Variants in XKR6 observed in about 807,000 individuals in gnomAD.
The protein encoded by XKR6 is XK related 6.
A neutral mutation model predicts 56.7 loss-of-function variants in XKR6; 22 were observed. That is an observed-to-expected ratio of 0.39 (90% confidence interval 0.28 to 0.55). The LOEUF (loss-of-function observed/expected upper bound fraction) is 0.55. Among genes scored for constraint, XKR6 ranks in the 20% least tolerant of loss-of-function variants. The pLI, the probability that XKR6 is intolerant of heterozygous loss-of-function variation, is 0.66. For synonymous variants in XKR6, 524 were observed against 387.8 expected, an observed-to-expected ratio of 1.35 and a Z score of -4.13; for missense variants, 852 against 889.0, an observed-to-expected ratio of 0.96 and a Z score of 0.53.
At chr8:10,994,191 G>A (rs1798058363) in intron 1 of XKR6, among the ~76,000 whole-genome samples, 1 of 152,210 alleles carries the variant, frequency 6.6e-6, no homozygotes, top group Admixed American at 6.5e-5. Context: ...GGGCTCCTAA[G>A]AACTAAACCC....
intron 1 of XKR6, among the ~76,000 whole-genome samples, chr8:11,090,949 C>T (rs970497514): frequency 1.3e-5 from 2 of 152,146 alleles, no homozygotes; most frequent in Non-Finnish European, 2.9e-5. Context: ...ATCCTGTGTG[C>T]TACGTTAACC....
chr8:11,164,377 C>G (rs1250876240), intron 1 of XKR6, among the ~76,000 whole-genome samples: 1 of 152,244 alleles, frequency 6.6e-6, no homozygotes, highest in East Asian at 1.9e-4. Flanking sequence ...AGCACTTACT[C>G]AGGGCTGTCA....
chr8:11,126,790 A>G (rs1003881366), intron 1 of XKR6, among the ~76,000 whole-genome samples: 5 of 152,186 alleles, frequency 3.3e-5, no homozygotes, highest in African/African-American at 1.2e-4. Context: ...ATAACCTCAG[A>G]GACCAGGAGA....
At chr8:11,114,421 C>T (rs1799059642) in intron 1 of XKR6, among the ~76,000 whole-genome samples, 1 of 152,162 alleles carries the variant, frequency 6.6e-6, no homozygotes, top group South Asian at 2.1e-4. Flanking sequence ...AGTGCAGTGG[C>T]ATGGATCTCA....
At chr8:11,190,526 C>A (rs914652995) in intron 1 of XKR6, among the ~76,000 whole-genome samples, 1 of 152,066 alleles carries the variant, frequency 6.6e-6, no homozygotes, top group East Asian at 1.9e-4. Context: ...AGACACAGAC[C>A]CAGAGGTATT....
At chr8:11,080,849 G>A (rs962036302) in intron 1 of XKR6, among the ~76,000 whole-genome samples, 5 of 152,224 alleles carry the variant, frequency 3.3e-5, no homozygotes, top group African/African-American at 9.6e-5. Flanking sequence ...TTTGCCGGTC[G>A]AAGCTGCCAA....
intron 1 of XKR6, among the ~76,000 whole-genome samples, chr8:11,143,336 C>G (rs1219729922): frequency 6.6e-6 from 1 of 152,058 alleles, no homozygotes; most frequent in Non-Finnish European, 1.5e-5. Flanking sequence ...AGACCAAGTC[C>G]CTTCTTTAAA....
chr8:11,147,630 T>C (rs573024060), intron 1 of XKR6, among the ~76,000 whole-genome samples: 5 of 148,870 alleles, frequency 3.4e-5, no homozygotes, highest in Non-Finnish European at 5.9e-5. Context: ...CACTCCAGCC[T>C]TGTGACAGAG....
At chr8:10,946,937 T>A (rs1801568773) in intron 1 of XKR6, among the ~76,000 whole-genome samples, 1 of 151,920 alleles carries the variant, frequency 6.6e-6, no homozygotes, top group South Asian at 2.1e-4. Context: ...GGTAGACAGT[T>A]CCAGAGGGTC....
At chr8:10,927,883 C>T (rs1031474768) in intron 1 of XKR6, among the ~76,000 whole-genome samples, 1 of 152,114 alleles carries the variant, frequency 6.6e-6, no homozygotes, top group Non-Finnish European at 1.5e-5. Context: ...CAGGCAAAAC[C>T]GTTTGGACAG....
intron 1 of XKR6, among the ~76,000 whole-genome samples, chr8:10,984,602 G>C (rs918019574): frequency 6.6e-6 from 1 of 151,418 alleles, no homozygotes; most frequent in African/African-American, 2.4e-5. Flanking sequence ...AATATGACTA[G>C]ATTGCAGAGT....
intron 1 of XKR6, among the ~76,000 whole-genome samples, chr8:11,199,019 G>GT (rs550673016): frequency 1.1e-3 from 162 of 152,124 alleles, no homozygotes; most frequent in African/African-American, 3.8e-3. Flanking sequence ...AATTTAAAAC[G>GT]TATTTCAGAA....
chr8:11,189,432 T>C (rs1258647005), intron 1 of XKR6, among the ~76,000 whole-genome samples: 2 of 152,212 alleles, frequency 1.3e-5, no homozygotes, highest in African/African-American at 2.4e-5. Context: ...GCATAATATA[T>C]GGCAACAGCA....
chr8:10,929,614 T>C (rs979537044), intron 1 of XKR6, among the ~76,000 whole-genome samples: 3 of 152,258 alleles, frequency 2.0e-5, no homozygotes, highest in African/African-American at 7.2e-5. Flanking sequence ...CTGGCTGTGT[T>C]ACCTTGAGGG....
intron 1 of XKR6, among the ~76,000 whole-genome samples, chr8:11,143,442 A>C (rs1275813894): frequency 6.6e-6 from 1 of 152,260 alleles, no homozygotes; most frequent in Non-Finnish European, 1.5e-5. Flanking sequence ...GCCAATCTGC[A>C]GAAAACACAA....
rs544608596 is a variant in XKR6 at position 11,179,002 on chromosome 8, C to A, written c.764+21574G>T. Among the ~76,000 whole-genome samples, 109 of 149,134 alleles carry A rather than the reference C, an allele frequency of 7.3e-4. 1 individual carries two copies. The Middle Eastern group carries it at 0.01, about 14-fold the overall frequency. ...GAACTACAGGCATACACGACCACAC[C>A]TGGCTAATTTTCTTTTTCTTTTTTT... On this transcript the variant is annotated intron_variant, in intron 1 of 2. Coordinates refer to ENST00000416569, the MANE Select transcript of XKR6 (RefSeq NM_173683.4).
intron 1 of XKR6, among the ~76,000 whole-genome samples, chr8:11,083,191 C>T (rs991543796): frequency 1.3e-5 from 2 of 152,228 alleles, no homozygotes; most frequent in African/African-American, 4.8e-5. Flanking sequence ...CCTCTGCACA[C>T]TGCCATTATC....
intron 1 of XKR6, among the ~76,000 whole-genome samples, chr8:11,087,949 G>A (rs970022313): frequency 1.3e-5 from 2 of 152,198 alleles, no homozygotes; most frequent in Admixed American, 6.5e-5. Flanking sequence ...CCTGGATAAG[G>A]AAAAGCCATT....
chr8:11,097,054 G>T (rs1014724710), intron 1 of XKR6, among the ~76,000 whole-genome samples: 17 of 152,130 alleles, frequency 1.1e-4, no homozygotes, highest in African/African-American at 2.2e-4. Flanking sequence ...AAGATGGAAG[G>T]TTGCCTAGAG....
Sources: gnomAD v4.1 joint callset for allele counts (sites outside exome capture counted in the v4.1 genomes callset) on GRCh38, gnomAD v4.1.1 for gene constraint, MANE v1.5 for transcripts, NCBI Gene and HGNC (gene_info 2026-07-23, HGNC 2026-07-21) for gene names.